PPP1R9A: variants seen among roughly 807,000 people sequenced by gnomAD.
PPP1R9A encodes the protein neurabin-1.
A neutral mutation model predicts 141.9 loss-of-function variants in PPP1R9A; 59 were observed. The observed-to-expected ratio is 0.42, with a 90% CI of 0.34 to 0.52. The LOEUF (loss-of-function observed/expected upper bound fraction) is 0.52, where lower values mean the gene tolerates loss of function less well. PPP1R9A is among the 20% of genes least tolerant of loss of function. PPP1R9A has a pLI of 0.10. For missense variants in PPP1R9A, 1,444 were observed against 1,611.9 expected (o/e 0.90, Z 1.78); for synonymous variants, 500 against 569.7 (o/e 0.88, Z 1.74).
intron 2 of PPP1R9A, among the ~76,000 whole-genome samples, chr7:95,088,157 A>G (rs956543740): frequency 2.0e-5 from 3 of 152,046 alleles, no homozygotes; most frequent in African/African-American, 7.3e-5. Context: ...TCAGAGTAGA[A>G]TCCTAATAAA....
chr7:95,176,139 A>T (rs1367362569), intron 5 of PPP1R9A, among the ~76,000 whole-genome samples: 2 of 152,108 alleles, frequency 1.3e-5, no homozygotes, highest in South Asian at 4.1e-4. Flanking sequence ...TTTTGCTAGT[A>T]TCCATGGCTG....
intron 2 of PPP1R9A, among the ~76,000 whole-genome samples, chr7:94,975,002 C>G (rs1799270047): frequency 6.6e-6 from 1 of 152,052 alleles, no homozygotes; most frequent in Non-Finnish European, 1.5e-5. Context: ...ATAAATGATT[C>G]TTAATCCATA....
intron 2 of PPP1R9A, among the ~76,000 whole-genome samples, chr7:94,920,203 T>C (rs1450543506): frequency 6.6e-6 from 1 of 152,158 alleles, no homozygotes; most frequent in Non-Finnish European, 1.5e-5. Context: ...AACTTGACTT[T>C]TGAAAGTATG....
At chr7:95,236,241 A>G (rs994440295) in intron 8 of PPP1R9A, among the ~76,000 whole-genome samples, 2 of 152,164 alleles carry the variant, frequency 1.3e-5, no homozygotes, top group Non-Finnish European at 2.9e-5. Flanking sequence ...TACTTTTATA[A>G]AAGAGACTTA....
chr7:95,117,876 C>A (rs1401235037), intron 3 of PPP1R9A, among the ~76,000 whole-genome samples: 1 of 152,048 alleles, frequency 6.6e-6, no homozygotes, highest in African/African-American at 2.4e-5. Context: ...GAGAGAAATT[C>A]TATGGTATTT....
At chr7:95,208,601 G>C (rs1360443272) in intron 7 of PPP1R9A, among the ~76,000 whole-genome samples, 1 of 151,868 alleles carries the variant, frequency 6.6e-6, no homozygotes, top group African/African-American at 2.4e-5. Flanking sequence ...GTGGGTGCCT[G>C]TAGTCCCAGC....
chr7:95,137,926 C>CT (rs947286397), intron 4 of PPP1R9A, among the ~76,000 whole-genome samples: 1 of 145,154 alleles, frequency 6.9e-6, no homozygotes, highest in African/African-American at 2.6e-5. Context: ...AGTTGACTTT[C>CT]TTTTTTTCTT....
intron 2 of PPP1R9A, among the ~76,000 whole-genome samples, chr7:95,097,186 G>A (rs1818156585): frequency 6.6e-6 from 1 of 152,040 alleles, no homozygotes; most frequent in Non-Finnish European, 1.5e-5. Flanking sequence ...ACTACGCCCA[G>A]CTAATTTTTT....
chr7:95,244,316 C>T (rs1797833239), intron 8 of PPP1R9A, among the ~76,000 whole-genome samples: 1 of 152,138 alleles, frequency 6.6e-6, no homozygotes, highest in Non-Finnish European at 1.5e-5. Flanking sequence ...GTTTGTCCCA[C>T]AATTTGTGGA....
chr7:94,945,429 G>A (rs1795792005), intron 2 of PPP1R9A, among the ~76,000 whole-genome samples: 1 of 152,046 alleles, frequency 6.6e-6, no homozygotes, highest in Non-Finnish European at 1.5e-5. Flanking sequence ...ATATATTAGG[G>A]AGAGTATTTA....
intron 2 of PPP1R9A, among the ~76,000 whole-genome samples, chr7:94,988,324 T>C (rs1404084515): frequency 6.6e-6 from 1 of 152,142 alleles, no homozygotes; most frequent in Non-Finnish European, 1.5e-5. Context: ...TCTCATATTC[T>C]GGTGCTTATT....
At chr7:95,144,364 G>A (rs1827225853) in intron 4 of PPP1R9A, among the ~76,000 whole-genome samples, 1 of 152,052 alleles carries the variant, frequency 6.6e-6, no homozygotes, top group Non-Finnish European at 1.5e-5. Context: ...GTGTGCGTGT[G>A]TAAAATCACA....
chr7:94,956,747 C>G (rs1352961888), intron 2 of PPP1R9A, among the ~76,000 whole-genome samples: 2 of 151,970 alleles, frequency 1.3e-5, no homozygotes. Context: ...GGTCAGCTCC[C>G]CGAAGGCAAA....
At chr7:94,966,609 G>C (rs538266586) in intron 2 of PPP1R9A, among the ~76,000 whole-genome samples, 1 of 152,220 alleles carries the variant, frequency 6.6e-6, no homozygotes, top group African/African-American at 2.4e-5. Context: ...TTATGTGATG[G>C]ATTACGTTTA....
At chr7:95,130,480 G>A (rs1438225220) in intron 4 of PPP1R9A, among the ~76,000 whole-genome samples, 2 of 152,304 alleles carry the variant, frequency 1.3e-5, no homozygotes, top group African/African-American at 4.8e-5. Context: ...ATAGAGCAGT[G>A]TGGAAGGGAA....
At position 95,043,226 on chromosome 7, in the gene PPP1R9A, A is replaced by G. The variant is rs1445078861; in HGVS notation, c.1396-68033A>G. 3.9e-5 allele frequency among the ~76,000 whole-genome samples: 6 copies of G among 152,194 alleles called. No homozygotes were observed. The East Asian group carries it at 1.2e-3, about 29-fold the overall frequency. ...GTTTTCTTTTACTTGAGGTATGCCT[A>G]TGCTATGGGGTAATTAGTGGTACCT... On this transcript the variant is annotated intron_variant, in intron 2 of 19. Transcript: ENST00000433360.
chr7:95,148,835 T>C (rs943372707), intron 4 of PPP1R9A, among the ~76,000 whole-genome samples: 22 of 152,026 alleles, frequency 1.4e-4, no homozygotes, highest in African/African-American at 5.1e-4. Context: ...GCAAAGATAA[T>C]AAATACTTCG....
In PPP1R9A at chr7:95,102,718, T is replaced by TTTTG. The variant is rs1449522889; in HGVS notation, c.1396-8541_1396-8540insTTTG. On this transcript the variant is annotated intron_variant, in intron 2 of 19. Transcript: ENST00000433360. ...AATGCTTTAACTTGTCAAAAGTGTC[T>TTTTG]CTGTAACTTGTAGGTGTTGTAAATC... Among the ~76,000 whole-genome samples, 3 of 152,238 alleles carry TTTTG rather than the reference T, an allele frequency of 2.0e-5. No homozygotes were observed. In the East Asian group the frequency reaches 5.8e-4, roughly 29 times the overall value.
intron 1 of PPP1R9A, chr7:94,907,904 A>G (rs1790937720): frequency 1.4e-5 from 2 of 147,402 alleles, no homozygotes; most frequent in Admixed American, 6.7e-5. Context: ...TGGGGAGCGC[A>G]GCGCGCCTCC....
Sources: allele counts gnomAD v4.1 joint callset (sites outside exome capture counted in the v4.1 genomes callset), GRCh38; gene constraint gnomAD v4.1.1; transcripts MANE v1.5; gene names NCBI Gene and HGNC (gene_info 2026-07-23, HGNC 2026-07-21).